DCDC2: variants seen among roughly 807,000 people sequenced by gnomAD.
DCDC2 encodes doublecortin domain containing 2, also known as doublecortin domain-containing protein 2.
In DCDC2, 40 loss-of-function variants were observed where a neutral mutation model predicts 50.2. That is an observed-to-expected ratio of 0.80 (90% CI 0.62 to 1.04). The LOEUF (loss-of-function observed/expected upper bound fraction) is 1.04. DCDC2 is among the 50% of genes least tolerant of loss of function. The pLI is 0.00. For synonymous variants in DCDC2, 234 were observed against 210.6 expected, an observed-to-expected ratio of 1.11 and a Z score of -0.96; for missense variants, 570 against 581.9, an observed-to-expected ratio of 0.98 and a Z score of 0.21.
At chr6:24,363,167 A>G in the DCDC2 span, among the ~76,000 whole-genome samples, 3 of 152,174 alleles carry the variant, frequency 2.0e-5, no homozygotes, top group Admixed American at 1.3e-4. Flanking sequence ...ATGGCCAAAG[A>G]AGATTCTTAA....
intron 8 of DCDC2, among the ~76,000 whole-genome samples, chr6:24,190,386 G>C (rs1006339103): frequency 1.3e-5 from 2 of 152,276 alleles, no homozygotes; most frequent in South Asian, 4.1e-4. Flanking sequence ...TGTGGGGTTG[G>C]GGGAGAGGGG....
At chr6:24,190,754 C>A (rs1460234965) in intron 8 of DCDC2, among the ~76,000 whole-genome samples, 1 of 152,184 alleles carries the variant, frequency 6.6e-6, no homozygotes, top group Non-Finnish European at 1.5e-5. Context: ...TCTAACCCTT[C>A]CAGCCATGAG....
chr6:24,200,264 G>T (rs1761554850), intron 8 of DCDC2, among the ~76,000 whole-genome samples: 1 of 152,174 alleles, frequency 6.6e-6, no homozygotes, highest in African/African-American at 2.4e-5. Context: ...CAGAGAGAAA[G>T]GTGGGGTGAT....
rs75931709 is a variant in DCDC2, at chr6:24,300,658, C to T, written c.557+1057G>A. 1.1e-4 allele frequency among the ~76,000 whole-genome samples: 17 copies of T among 152,242 alleles called. No homozygotes were observed. In the East Asian group the frequency reaches 2.3e-3, roughly 21 times the overall value. On this transcript the variant is annotated intron_variant, in intron 4 of 9. Transcript: ENST00000378454. ...TCTGCATACACATTTACCTGAAAGA[C>T]GTAATATGCAATCATTTGAGAACTA...
intron 2 of DCDC2, among the ~76,000 whole-genome samples, chr6:24,314,019 G>A (rs960261911): frequency 2.7e-4 from 41 of 152,164 alleles, no homozygotes; most frequent in African/African-American, 9.7e-4. Context: ...AGTTTCCGGA[G>A]GCAGTCACTT....
intron 7 of DCDC2, among the ~76,000 whole-genome samples, chr6:24,260,558 C>T (rs1330851423): frequency 6.6e-6 from 1 of 152,198 alleles, no homozygotes. Flanking sequence ...AAACAGGCAG[C>T]TTGCCTCACA....
At chr6:24,240,407 T>G (rs536167852) in intron 7 of DCDC2, among the ~76,000 whole-genome samples, 3 of 152,214 alleles carry the variant, frequency 2.0e-5, no homozygotes, top group Admixed American at 2.0e-4. Context: ...GCAGAGTTTT[T>G]CCATGGTGTT....
At chr6:24,298,502 A>G (rs781205376) in intron 4 of DCDC2, among the ~76,000 whole-genome samples, 23 of 152,316 alleles carry the variant, frequency 1.5e-4, no homozygotes, top group Admixed American at 2.6e-4. Context: ...CAGCCCTGCT[A>G]CTCAGTATCT....
At chr6:24,330,935 T>A (rs1011913961) in intron 2 of DCDC2, among the ~76,000 whole-genome samples, 1 of 152,176 alleles carries the variant, frequency 6.6e-6, no homozygotes, top group Admixed American at 6.5e-5. Context: ...ACAACTGGGA[T>A]ATTTACTTTA....
chr6:24,287,518 G>A (rs978981568), intron 6 of DCDC2, among the ~76,000 whole-genome samples: 3 of 152,054 alleles, frequency 2.0e-5, no homozygotes, highest in African/African-American at 7.2e-5. Context: ...AAATGTAGAT[G>A]ACAAAGATGC....
At chr6:24,275,624 A>G (rs1460115251) in intron 7 of DCDC2, among the ~76,000 whole-genome samples, 2 of 152,200 alleles carry the variant, frequency 1.3e-5, no homozygotes, top group African/African-American at 4.8e-5. Context: ...GCAATTTAAA[A>G]CCTATAATCT....
intron 2 of DCDC2, among the ~76,000 whole-genome samples, chr6:24,350,532 C>A (rs988350585): frequency 6.6e-6 from 1 of 152,102 alleles, no homozygotes; most frequent in Admixed American, 6.5e-5. Flanking sequence ...TTTTATTATG[C>A]AGGCCCATCA....
At chr6:24,375,747 C>G in the DCDC2 span, among the ~76,000 whole-genome samples, 1 of 152,088 alleles carries the variant, frequency 6.6e-6, no homozygotes, top group African/African-American at 2.4e-5. Context: ...TGTCGCTGTT[C>G]TATCTGAAGT....
At chr6:24,223,454 C>G (rs983309505) in intron 7 of DCDC2, among the ~76,000 whole-genome samples, 1 of 152,184 alleles carries the variant, frequency 6.6e-6, no homozygotes, top group South Asian at 2.1e-4. Flanking sequence ...ATCGAGCACT[C>G]TCTCTCACTT....
chr6:24,204,908 A>C (rs1000247832), intron 8 of DCDC2, 94 bp downstream of exon 8: 3 of 1,162,228 alleles, frequency 2.6e-6, no homozygotes, highest in East Asian at 4.7e-5. Context: ...TTTAATTCAT[A>C]CAGGTATAGG....
chr6:24,262,900 A>C (rs1278641715), intron 7 of DCDC2, among the ~76,000 whole-genome samples: 1 of 152,234 alleles, frequency 6.6e-6, no homozygotes, highest in East Asian at 1.9e-4. Context: ...GGCAGTGGTC[A>C]CTGTGGGCCT....
chr6:24,217,481 C>T (rs1307561233), intron 7 of DCDC2, among the ~76,000 whole-genome samples: 1 of 152,172 alleles, frequency 6.6e-6, no homozygotes, highest in Non-Finnish European at 1.5e-5. Flanking sequence ...CAGACAAGTG[C>T]TAGTGATTCT....
At chr6:24,281,146 G>A (rs546538718) in intron 6 of DCDC2, among the ~76,000 whole-genome samples, 2 of 151,956 alleles carry the variant, frequency 1.3e-5, no homozygotes, top group East Asian at 1.9e-4. Flanking sequence ...AAAGACACTC[G>A]AAAAAGGGTA....
chr6:24,314,895 G>A (rs1261861981), intron 2 of DCDC2, among the ~76,000 whole-genome samples: 2 of 152,126 alleles, frequency 1.3e-5, no homozygotes, highest in South Asian at 2.1e-4. Context: ...GTAGAGAAAC[G>A]TGTCCTGTCC....
Sources: allele counts gnomAD v4.1 joint callset (sites outside exome capture counted in the v4.1 genomes callset), GRCh38; gene constraint gnomAD v4.1.1; transcripts MANE v1.5; gene names NCBI Gene and HGNC (gene_info 2026-07-23, HGNC 2026-07-21).